TNRC6C: variants seen among roughly 807,000 people sequenced by gnomAD.
TNRC6C encodes trinucleotide repeat-containing gene 6C protein.
Under a neutral mutation model 153.7 loss-of-function variants are expected in TNRC6C, and 20 were observed. The ratio of observed to expected loss-of-function variants is 0.13; its 90% CI spans 0.09 to 0.19. TNRC6C has a LOEUF of 0.19. Ranked by LOEUF, TNRC6C falls within the 10% of genes least tolerant of loss-of-function variation. TNRC6C has a pLI of 1.00. For synonymous variants in TNRC6C, 811 were observed against 841.4 expected (o/e 0.96, Z 0.63); for missense variants, 1,987 against 2,172.0 (o/e 0.91, Z 1.69).
chr17:78,040,420 TTTGA>T (rs1598722241), intron 2 of TNRC6C, among the ~76,000 whole-genome samples: 1 of 152,222 alleles, frequency 6.6e-6, no homozygotes, highest in Non-Finnish European at 1.5e-5. Flanking sequence ...AAACAGAGGC[TTTGA>T]TTAATATACG....
intron 1 of TNRC6C, among the ~76,000 whole-genome samples, chr17:77,990,640 A>G (rs1395039079): frequency 6.6e-6 from 1 of 152,166 alleles, no homozygotes; most frequent in Non-Finnish European, 1.5e-5. Context: ...AGCACCCTGC[A>G]CTTCTTATTA....
intron 17 of TNRC6C, 75 bp downstream of exon 20, chr17:78,098,612 C>G: frequency 6.7e-7 from 1 of 1,488,602 alleles, no homozygotes; most frequent in South Asian, 1.3e-5. Flanking sequence ...TGTCCTGTAC[C>G]TCCTTTGTAA....
At chr17:78,080,211 C>T (rs1290238369) in intron 10 of TNRC6C, among the ~76,000 whole-genome samples, 1 of 152,152 alleles carries the variant, frequency 6.6e-6, no homozygotes, top group East Asian at 1.9e-4. Context: ...CTTTGGGAGG[C>T]CGAGGTGGGT....
exon 3 of TNRC6C, chr17:78,050,893 G>C: frequency 1.2e-6 from 2 of 1,613,882 alleles, no homozygotes; most frequent in Non-Finnish European, 1.7e-6. Flanking sequence ...ACACTTGGGG[G>C]ATGGGAAAAA....
chr17:78,081,045 G>A (rs1435138942), intron 10 of TNRC6C, among the ~76,000 whole-genome samples: 1 of 152,182 alleles, frequency 6.6e-6, no homozygotes, highest in Non-Finnish European at 1.5e-5. Flanking sequence ...AGTTCTGGAG[G>A]CTGAGAAGTC....
chr17:78,062,900 C>A (rs533737973), intron 3 of TNRC6C, among the ~76,000 whole-genome samples: 1 of 152,050 alleles, frequency 6.6e-6, no homozygotes, highest in African/African-American at 2.4e-5. Context: ...ACTTTTTATG[C>A]CTTCAGAGTT....
intron 1 of TNRC6C, among the ~76,000 whole-genome samples, chr17:77,969,258 A>AT (rs111768465): frequency 0.031 from 4,642 of 148,190 alleles, 96 homozygotes; most frequent in South Asian, 0.057. Context: ...TCTTTAATAA[A>AT]TTTTTTTTTT....
intron 1 of TNRC6C, among the ~76,000 whole-genome samples, chr17:77,977,711 G>T (rs565469395): frequency 6.6e-6 from 1 of 151,830 alleles, no homozygotes; most frequent in Non-Finnish European, 1.5e-5. Context: ...AATTGCCTAA[G>T]AACTTAAAAA....
At chr17:78,106,210 T>C (rs1036496652) in exon 20 of TNRC6C, 2 of 151,936 alleles carry the variant, frequency 1.3e-5, no homozygotes, top group African/African-American at 4.8e-5. Flanking sequence ...CAGACCTTTT[T>C]TTCTCCTTCA....
At chr17:78,048,942 G>C in exon 3 of TNRC6C, 2 of 1,314,252 alleles carry the variant, frequency 1.5e-6, no homozygotes, top group Non-Finnish European at 1.9e-6. Context: ...GGGATAAAGT[G>C]ATAATAGATA....
chr17:78,075,394 A>T lies in TNRC6C; in HGVS notation c.3060+116A>T. ...CTTGCTGGACTATAATACTTAAGTG[A>T]CTTTTATCCATTTTTTTCTAACATT... On this transcript the variant is annotated intron_variant, in intron 8 of 19. Transcript: ENST00000301624. The surrounding 1 kb of genome is among the most constrained non-coding windows in gnomAD (Gnocchi z 4.2). 1 of 1,229,998 alleles carries T rather than the reference A, an allele frequency of 8.1e-7. No homozygotes were observed. The highest frequency in any genetic ancestry group is 1.1e-6 in the Non-Finnish European group (1 of 906,022). The allele number at this position is 1,229,998 out of a possible 1,614,324, so 76.2% of individuals were successfully genotyped here. A position where few individuals can be genotyped will look rare whatever the true frequency, so the allele number is the denominator to read the frequency against.
Position 78,070,118 on chromosome 17 carries a change from G to A in TNRC6C, c.2779-967G>A, listed in dbSNP as rs558476628. The stretch of plus-strand genomic sequence containing the variant: ...CCAGAAACTAAAATCAGAGCTCTCC[G>A]CTCATGAGGAGTAGAAGTGATTACA... On this transcript the variant is annotated intron_variant, in intron 5 of 19. Transcript: ENST00000301624. Among the ~76,000 whole-genome samples the A allele has an allele frequency of 1.8e-4, 27 of 152,266 alleles. 1 individual carries two copies. The South Asian group carries it at 2.1e-3, about 12-fold the overall frequency.
intron 2 of TNRC6C, among the ~76,000 whole-genome samples, chr17:78,045,556 C>G (rs1284256360): frequency 3.9e-5 from 6 of 152,172 alleles, no homozygotes; most frequent in Non-Finnish European, 5.9e-5. Context: ...CTGGGCTGTA[C>G]AAGTGCAGCT....
At chr17:78,072,948 T>C in intron 6 of TNRC6C, 89 bp from the exon 9 acceptor site, 1 of 923,910 alleles carries the variant, frequency 1.1e-6, no homozygotes, top group Non-Finnish European at 1.7e-6. Flanking sequence ...CTAATAACTA[T>C]GTCTTTAAGT....
At chr17:77,980,809 A>G (rs2071064739) in intron 1 of TNRC6C, among the ~76,000 whole-genome samples, 1 of 152,296 alleles carries the variant, frequency 6.6e-6, no homozygotes, top group African/African-American at 2.4e-5. Flanking sequence ...AGGTTATTAC[A>G]AAGGATATTA....
At chr17:78,009,982 C>T (rs1384479088) in intron 1 of TNRC6C, among the ~76,000 whole-genome samples, 1 of 152,146 alleles carries the variant, frequency 6.6e-6, no homozygotes, top group Admixed American at 6.5e-5. Flanking sequence ...CTCCGAGGCT[C>T]AAGTGATACC....
chr17:78,066,351 G>C (rs975931153), intron 4 of TNRC6C: 1 of 151,314 alleles, frequency 6.6e-6, no homozygotes, highest in African/African-American at 2.4e-5. Flanking sequence ...GGTTTTTTTT[G>C]GTTTTTTTTG....
exon 20 of TNRC6C, chr17:78,105,778 C>T (rs954199494): frequency 2.0e-5 from 3 of 152,040 alleles, no homozygotes; most frequent in African/African-American, 7.2e-5. Flanking sequence ...ATTGGTCAAA[C>T]GGTTGTTATT....
At chr17:78,021,461 A>G (rs2071830168) in intron 1 of TNRC6C, among the ~76,000 whole-genome samples, 1 of 152,244 alleles carries the variant, frequency 6.6e-6, no homozygotes, top group Non-Finnish European at 1.5e-5. Context: ...TCATTTCTCC[A>G]TACTTAATAT....
Sources: allele counts gnomAD v4.1 joint callset (sites outside exome capture counted in the v4.1 genomes callset), GRCh38; gene constraint gnomAD v4.1.1; non-coding constraint Gnocchi (gnomAD v3.1); transcripts MANE v1.5; gene names NCBI Gene and HGNC (gene_info 2026-07-23, HGNC 2026-07-21).